Variants in ANKRD30A observed in about 807,000 individuals in gnomAD.
ANKRD30A encodes the protein ankyrin repeat domain 30A, also known as ankyrin repeat domain-containing protein 30A.
In ANKRD30A, 170 loss-of-function variants were observed where a neutral mutation model predicts 166.3. The observed-to-expected ratio is 1.02, with a 90% CI of 0.90 to 1.16. The LOEUF (loss-of-function observed/expected upper bound fraction) is 1.16, where lower values mean the gene tolerates loss of function less well. Ranked by LOEUF, ANKRD30A falls within the 50% of genes most tolerant of loss-of-function variation. ANKRD30A has a pLI of 0.00. For missense variants in ANKRD30A, 1,630 were observed against 1,518.0 expected (o/e 1.07, Z -1.23); for synonymous variants, 564 against 508.9 (o/e 1.11, Z -1.46).
At chr10:37,247,750 C>T in the ANKRD30A span, among the ~76,000 whole-genome samples, 72 of 150,136 alleles carry the variant, frequency 4.8e-4, no homozygotes, top group African/African-American at 1.2e-3. Context: ...GGCGTGGTGG[C>T]GGGCGCCTGT....
At chr10:37,208,118 A>ACC (rs1431093070) in intron 31 of ANKRD30A, among the ~76,000 whole-genome samples, 5 of 152,208 alleles carry the variant, frequency 3.3e-5, no homozygotes, top group Admixed American at 2.6e-4. Flanking sequence ...CAGGGTTTTG[A>ACC]TAAGGAAGCA....
intron 15 of ANKRD30A, among the ~76,000 whole-genome samples, chr10:37,162,268 C>G (rs1838965922): frequency 6.6e-6 from 1 of 152,074 alleles, no homozygotes; most frequent in Non-Finnish European, 1.5e-5. Flanking sequence ...AACTATGTAC[C>G]TTTCCGAAGA....
the ANKRD30A span, chr10:37,241,107 C>T: frequency 6.6e-6 from 1 of 151,568 alleles, no homozygotes; most frequent in Admixed American, 6.6e-5. Flanking sequence ...ACTCTTTTTT[C>T]CTGACTTCCA....
the ANKRD30A span, among the ~76,000 whole-genome samples, chr10:37,264,816 T>C: frequency 5.9e-5 from 9 of 152,204 alleles, no homozygotes; most frequent in Non-Finnish European, 8.8e-5. Context: ...CTGGAAGATG[T>C]CATCCAATCC....
the ANKRD30A span, among the ~76,000 whole-genome samples, chr10:37,252,636 T>C: frequency 6.6e-6 from 1 of 152,078 alleles, no homozygotes; most frequent in Non-Finnish European, 1.5e-5. Context: ...TGGAGGCCAT[T>C]ATTCTATCCC....
chr10:37,222,808 C>T (rs915375380), intron 34 of ANKRD30A, among the ~76,000 whole-genome samples: 8 of 151,382 alleles, frequency 5.3e-5, no homozygotes, highest in African/African-American at 1.9e-4. Context: ...CTAGTTGGTG[C>T]AGAACAATTT....
chr10:37,162,647 A>C lies in ANKRD30A; in HGVS notation c.1901-2A>C. ...TGATGATAAATCTCTTTTGCTTTTT[A>C]GAGCCTCCGGGGAAGCCATCTGCCT... On this transcript the variant is annotated splice_acceptor_variant, in intron 15 of 35. Transcript: ENST00000361713. LOFTEE classifies it high-confidence loss of function. The C allele has an allele frequency of 3.7e-6, 6 of 1,612,164 alleles. No individual in the cohort carries two copies. The highest frequency in any genetic ancestry group is 2.1e-4 in the Middle Eastern group (1 of 4,728).
intron 11 of ANKRD30A, 92 bp downstream of exon 11, chr10:37,149,941 C>T (rs1837796433): frequency 6.5e-7 from 1 of 1,530,504 alleles, no homozygotes; most frequent in Non-Finnish European, 8.9e-7. Context: ...TTTTTTTCAA[C>T]TTTGATGAAA....
intron 15 of ANKRD30A, among the ~76,000 whole-genome samples, chr10:37,162,288 T>C (rs985263344): frequency 6.6e-6 from 1 of 152,174 alleles, no homozygotes. Context: ...ATAGGCTATA[T>C]TAAAGAACAG....
chr10:37,136,186 T>A (rs1193611456), intron 5 of ANKRD30A, among the ~76,000 whole-genome samples: 2 of 152,212 alleles, frequency 1.3e-5, no homozygotes, highest in Admixed American at 6.5e-5. Flanking sequence ...TGAGCATTTT[T>A]AAAATGTTAT....
chr10:37,232,693 T>TATATATATATAA (rs1491500759), downstream of ANKRD30A: 5 of 9,122 alleles, frequency 5.5e-4, no homozygotes, highest in Non-Finnish European at 8.3e-4. Flanking sequence ...TATATATATA[T>TATATATATATAA]AAATAGAGAG....
rs746994950 is a variant in ANKRD30A, at chr10:37,133,915, G to A, written c.618-1G>A. The A allele has an allele frequency of 1.9e-6, 3 of 1,613,540 alleles. No individual in the cohort carries two copies. Among genetic ancestry groups the A allele is most frequent in the Non-Finnish European group, 2.5e-6 (3 of 1,179,782 alleles). On this transcript the variant is annotated splice_acceptor_variant, in intron 4 of 35. Coordinates refer to ENST00000361713, the MANE Select transcript of ANKRD30A (RefSeq NM_052997.3). LOFTEE classifies it high-confidence loss of function. ...ATGAAGTTATCTCTTTGTTATTTTAGCACAGCCCTCATGCTTGCTGTATGT... is the reference window on the plus strand; with the variant it reads ...ATGAAGTTATCTCTTTGTTATTTTAACACAGCCCTCATGCTTGCTGTATGT...
chr10:37,246,834 C>T, the ANKRD30A span, among the ~76,000 whole-genome samples: 1 of 152,126 alleles, frequency 6.6e-6, no homozygotes. Context: ...CTTACCAGAT[C>T]CTGCCCACTA....
the ANKRD30A span, among the ~76,000 whole-genome samples, chr10:37,243,295 C>G: frequency 5.1e-5 from 7 of 136,534 alleles, no homozygotes; most frequent in East Asian, 1.0e-3. Flanking sequence ...CCACCACGCC[C>G]ACCTTTTTTT....
At chr10:37,208,671 A>G (rs890946849) in intron 31 of ANKRD30A, among the ~76,000 whole-genome samples, 7 of 152,176 alleles carry the variant, frequency 4.6e-5, no homozygotes, top group African/African-American at 1.7e-4. Context: ...CTAAGTTTAC[A>G]TATAACCAAA....
intron 27 of ANKRD30A, among the ~76,000 whole-genome samples, chr10:37,193,897 A>G (rs1840818929): frequency 6.6e-6 from 1 of 152,156 alleles, no homozygotes; most frequent in Non-Finnish European, 1.5e-5. Flanking sequence ...GTGAACGTTT[A>G]CAACATTTTA....
chr10:37,264,709 A>G, the ANKRD30A span: 6 of 175,164 alleles, frequency 3.4e-5, no homozygotes, highest in East Asian at 8.1e-4. Context: ...GTAGGCAAGC[A>G]GGCTCTCTGT....
the ANKRD30A span, among the ~76,000 whole-genome samples, chr10:37,250,089 T>C: frequency 6.6e-6 from 1 of 152,104 alleles, no homozygotes; most frequent in African/African-American, 2.4e-5. Context: ...TGGATATAGA[T>C]GTTAATACAC....
chr10:37,198,256 T>A (rs527648849), intron 29 of ANKRD30A, among the ~76,000 whole-genome samples: 2 of 152,200 alleles, frequency 1.3e-5, no homozygotes, highest in African/African-American at 4.8e-5. Flanking sequence ...CAACTTCTAA[T>A]ATGTAGATGG....
Sources: gnomAD v4.1 joint callset for allele counts (sites outside exome capture counted in the v4.1 genomes callset) on GRCh38, gnomAD v4.1.1 for gene constraint, MANE v1.5 for transcripts, NCBI Gene and HGNC (gene_info 2026-07-23, HGNC 2026-07-21) for gene names.